SGK3: variants seen among roughly 807,000 people sequenced by gnomAD.
SGK3 encodes serum/glucocorticoid regulated kinase family member 3, also known as serine/threonine-protein kinase Sgk3.
SGK3 carries 47 observed loss-of-function variants against 68.5 expected under a neutral mutation model. The observed-to-expected ratio is 0.69, with a 90% CI of 0.54 to 0.87. The LOEUF is 0.87. Among genes scored for constraint, SGK3 ranks in the 40% least tolerant of loss-of-function variants. The pLI is 0.00. For synonymous variants in SGK3, 181 were observed against 189.1 expected (o/e 0.96, Z 0.35); for missense variants, 479 against 575.5 (o/e 0.83, Z 1.72).
Position 66,850,126 on chromosome 8 carries a change from A to G in SGK3, c.1231-705A>G, listed in dbSNP as rs528161489. ...ATATTGGACTCTCATTTTCTTGACC[A>G]TACTAACCTCTTTGCCACCTCAGAG... On this transcript the variant is annotated intron_variant, in intron 15 of 16. Coordinates refer to ENST00000521198, the MANE Select transcript of SGK3 (RefSeq NM_001033578.3). 5.3e-5 allele frequency among the ~76,000 whole-genome samples: 8 copies of G among 152,212 alleles called. No individual in the cohort carries two copies. In the South Asian group the frequency reaches 1.2e-3, roughly 24 times the overall value.
intron 2 of SGK3, among the ~76,000 whole-genome samples, chr8:66,797,756 G>T (rs1261531861): frequency 1.3e-5 from 2 of 152,168 alleles, no homozygotes; most frequent in Non-Finnish European, 2.9e-5. Context: ...TACTTTGTAA[G>T]TTCCAGGTAG....
intron 1 of SGK3, among the ~76,000 whole-genome samples, chr8:66,739,327 C>T (rs533461125): frequency 6.6e-6 from 1 of 152,150 alleles, no homozygotes; most frequent in South Asian, 2.1e-4. Context: ...TAATCCATTC[C>T]CAAGAGAATT....
chr8:66,759,083 T>C (rs567984713), intron 1 of SGK3, among the ~76,000 whole-genome samples: 324 of 147,946 alleles, frequency 2.2e-3, no homozygotes, highest in African/African-American at 7.2e-3. Context: ...TTTTCTTCTT[T>C]TTTTTTTTTT....
At chr8:66,772,246 G>A (rs1017822256) in intron 1 of SGK3, among the ~76,000 whole-genome samples, 4 of 145,978 alleles carry the variant, frequency 2.7e-5, no homozygotes, top group Admixed American at 2.1e-4. Context: ...ATTAGCCAGG[G>A]ACCATGTCTG....
At chr8:66,719,576 C>G (rs1804741143) in intron 1 of SGK3, among the ~76,000 whole-genome samples, 1 of 152,166 alleles carries the variant, frequency 6.6e-6, no homozygotes, top group Non-Finnish European at 1.5e-5. Flanking sequence ...GCCTCTGCCT[C>G]CCAAAGTGCT....
At chr8:66,732,626 C>T (rs974706743) in intron 1 of SGK3, among the ~76,000 whole-genome samples, 1 of 152,184 alleles carries the variant, frequency 6.6e-6, no homozygotes, top group Non-Finnish European at 1.5e-5. Context: ...GGGTGGATCA[C>T]CTGAGGTCAG....
At chr8:66,841,233 C>A in intron 13 of SGK3, 123 bp downstream of exon 13, 3 of 780,632 alleles carry the variant, frequency 3.8e-6, no homozygotes, top group Non-Finnish European at 5.5e-6. Flanking sequence ...CAGCTTCCAG[C>A]CAGCTGGAAA....
intron 1 of SGK3, among the ~76,000 whole-genome samples, chr8:66,718,086 C>T (rs1190883500): frequency 1.3e-5 from 2 of 151,716 alleles, no homozygotes; most frequent in Non-Finnish European, 2.9e-5. Context: ...AGTGCAATGG[C>T]ATGATCTCGG....
intron 5 of SGK3, among the ~76,000 whole-genome samples, chr8:66,821,218 C>A (rs1432735365): frequency 6.6e-6 from 1 of 151,940 alleles, no homozygotes; most frequent in Non-Finnish European, 1.5e-5. Context: ...TAGCCATTTC[C>A]TCATCCCCCT....
chr8:66,725,560 C>A (rs1012590682), intron 1 of SGK3, among the ~76,000 whole-genome samples: 2 of 151,656 alleles, frequency 1.3e-5, no homozygotes, highest in African/African-American at 4.9e-5. Flanking sequence ...CCCGGAGTTT[C>A]CTGACTTAAA....
Position 66,804,524 on chromosome 8 carries a change from T to C in SGK3, c.253+77T>C. ...AAGTAAATTAATGTATTCATTGCAC[T>C]GTATAGCAGTGCAGGACTTTAAAAG... On this transcript the variant is annotated intron_variant, in intron 4 of 16. Transcript: ENST00000521198. The C allele has an allele frequency of 2.1e-6, 3 of 1,433,688 alleles. No homozygotes were observed. In the Admixed American group the frequency reaches 5.6e-5, roughly 27 times the overall value. 88.8% of individuals were successfully genotyped at this position (1,433,688 alleles called of 1,614,324 possible).
At chr8:66,732,255 A>C (rs1203438709) in intron 1 of SGK3, among the ~76,000 whole-genome samples, 1 of 152,228 alleles carries the variant, frequency 6.6e-6, no homozygotes, top group African/African-American at 2.4e-5. Context: ...AAACACCGGT[A>C]AATTCTTTTC....
chr8:66,766,502 G>C (rs1199119592), intron 1 of SGK3, among the ~76,000 whole-genome samples: 2 of 152,114 alleles, frequency 1.3e-5, no homozygotes, highest in African/African-American at 4.8e-5. Flanking sequence ...CAGCCTGGGC[G>C]ACAGAGCAAG....
intron 1 of SGK3, among the ~76,000 whole-genome samples, chr8:66,756,271 C>A (rs1373338597): frequency 1.3e-5 from 2 of 152,080 alleles, no homozygotes; most frequent in African/African-American, 2.4e-5. Context: ...TGAGACAATG[C>A]ATTTCTGTTG....
At chr8:66,741,988 G>T (rs932606956) in intron 1 of SGK3, among the ~76,000 whole-genome samples, 1 of 152,222 alleles carries the variant, frequency 6.6e-6, no homozygotes. Flanking sequence ...TTGGGATCAG[G>T]TTTCTCAAAC....
intron 1 of SGK3, among the ~76,000 whole-genome samples, chr8:66,716,502 TC>T (rs1429997557): frequency 7.1e-6 from 1 of 141,464 alleles, no homozygotes; most frequent in Non-Finnish European, 1.5e-5. Flanking sequence ...CTGCCTAAGT[TC>T]ACCTCCTGGT....
In SGK3 at chr8:66,850,809, CAA is replaced by C; in HGVS notation, c.1231-20_1231-19del. The C allele has an allele frequency of 6.3e-7, 1 of 1,577,276 alleles. No homozygotes were observed. Among genetic ancestry groups the C allele is most frequent in the East Asian group, 2.3e-5 (1 of 43,468 alleles). ...AATATATTCTTCGGCATTAGTAAAACAAATTTTTTTTAATATTCCAGCTTGAA... is the reference window on the plus strand; with the variant it reads ...AATATATTCTTCGGCATTAGTAAAACATTTTTTTTAATATTCCAGCTTGAA... On this transcript the variant is annotated intron_variant, in intron 15 of 16. Transcript: ENST00000521198.
At chr8:66,719,316 ATTTG>A (rs111716297) in intron 1 of SGK3, among the ~76,000 whole-genome samples, 135 of 145,196 alleles carry the variant, frequency 9.3e-4, no homozygotes, top group South Asian at 4.4e-3. Flanking sequence ...TTTTTCTTTT[ATTTG>A]TTTGTTTGTT....
intron 3 of SGK3, among the ~76,000 whole-genome samples, chr8:66,802,867 C>A (rs1020787736): frequency 1.3e-5 from 2 of 152,088 alleles, no homozygotes; most frequent in African/African-American, 2.4e-5. Flanking sequence ...ATTACTGATA[C>A]GTGGCCATTC....
Sources: allele counts gnomAD v4.1 joint callset (sites outside exome capture counted in the v4.1 genomes callset), GRCh38; gene constraint gnomAD v4.1.1; transcripts MANE v1.5; gene names NCBI Gene and HGNC (gene_info 2026-07-23, HGNC 2026-07-21).